Variants in RELB observed in about 807,000 individuals in gnomAD.
The protein encoded by RELB is RELB proto-oncogene, NF-kB subunit, also known as transcription factor RelB.
Under a neutral mutation model 55.4 loss-of-function variants are expected in RELB, and 14 were observed. The ratio of observed to expected loss-of-function variants is 0.25; its 90% confidence interval spans 0.17 to 0.40. The LOEUF is 0.40. Among genes scored for constraint, RELB ranks in the 10% least tolerant of loss-of-function variants. RELB has a pLI of 1.00. For synonymous variants in RELB, 409 were observed against 371.3 expected (o/e 1.10, Z -1.17); for missense variants, 669 against 830.7 (o/e 0.81, Z 2.39).
intron 4 of RELB, among the ~76,000 whole-genome samples, chr19:45,021,408 GC>G (rs1971485840): frequency 7.1e-6 from 1 of 140,518 alleles, no homozygotes; most frequent in Non-Finnish European, 1.5e-5. Flanking sequence ...CGCAGGCAGA[GC>G]TTGCAGTGAG....
chr19:45,003,579 A>C lies in RELB; in HGVS notation c.154+583A>C. ...CACTGTGGCTTAGTAGAAGGTAATC[A>C]CTGCCATCCTGGGCTTTGGAGCTGG... On this transcript the variant is annotated intron_variant, in intron 2 of 11. Transcript: ENST00000221452. 2 of 517,662 alleles carry C rather than the reference A, an allele frequency of 3.9e-6. 1 individual carries two copies. The highest frequency in any genetic ancestry group is 7.7e-6 in the Non-Finnish European group (2 of 259,776). 32.1% of individuals were successfully genotyped at this position (517,662 alleles called of 1,614,324 possible).
Position 45,002,969 on chromosome 19 carries a change from C to A in RELB, c.127C>A (p.Leu43Ile). 2.5e-6 allele frequency: 4 copies of A among 1,613,592 alleles called. No homozygotes were observed. Among genetic ancestry groups the A allele is most frequent in the Non-Finnish European group, 3.4e-6 (4 of 1,179,768 alleles). Residue 43 changes from leucine (L) to isoleucine (I), a missense_variant, in exon 2 of 12, where the codon CTC becomes ATC. Coordinates refer to ENST00000221452, the MANE Select transcript of RELB (RefSeq NM_006509.4). ...GALGSPDLSS[L>I]SLAVSRSTDE... ...TGCAGGGTCCCCCGACCTCTCCTCA[C>A]TCTCGCTCGCCGTTTCCAGGAGCAC...
At chr19:45,011,553 T>A (rs879564801) in intron 3 of RELB, among the ~76,000 whole-genome samples, 20 of 151,798 alleles carry the variant, frequency 1.3e-4, no homozygotes, top group Non-Finnish European at 2.2e-4. Context: ...GCCTCCTGGG[T>A]TCAAGCTGTT....
chr19:45,034,661 T>C (rs1971666791), intron 11 of RELB, 133 bp downstream of exon 11: 2 of 686,666 alleles, frequency 2.9e-6, no homozygotes, highest in East Asian at 5.5e-5. Context: ...GCCAGCAACA[T>C]AGAGTAGAAA....
At position 45,002,937 on chromosome 19, in the gene RELB, CCTT is replaced by C. The variant is rs1386117876; in HGVS notation, c.107-9_107-7del. On this transcript the variant is annotated splice_polypyrimidine_tract_variant and intron_variant, in intron 1 of 11. Transcript: ENST00000221452. ...CCCCATCACCTCCTGAGACGTTTCT[CCTT>C]CTCTGCAGGGTCCCCCGACCTCTCC... The C allele has an allele frequency of 2.6e-5, 42 of 1,613,110 alleles. No individual in the cohort carries two copies. Among genetic ancestry groups the C allele is most frequent in the Admixed American group, 1.0e-4 (6 of 59,928 alleles).
chr19:45,014,803 G>A (rs992901482), intron 4 of RELB, among the ~76,000 whole-genome samples: 5 of 151,864 alleles, frequency 3.3e-5, no homozygotes, highest in African/African-American at 1.2e-4. Context: ...ACAGGTGTGA[G>A]CCACCGTGCT....
chr19:45,009,492 G>T (rs1971323364), intron 2 of RELB, among the ~76,000 whole-genome samples: 1 of 152,154 alleles, frequency 6.6e-6, no homozygotes, highest in Non-Finnish European at 1.5e-5. Flanking sequence ...CTTTTTCCTG[G>T]TGCTAAGACC....
At chr19:45,021,902 A>G (rs1458980727) in intron 4 of RELB, 151 bp from the exon 5 acceptor site, 1 of 758,322 alleles carries the variant, frequency 1.3e-6, no homozygotes, top group South Asian at 2.1e-5. Flanking sequence ...AACACATTCC[A>G]TCATCCTGGT....
At chr19:45,004,892 G>A (rs536881169) in intron 2 of RELB, among the ~76,000 whole-genome samples, 116 of 150,596 alleles carry the variant, frequency 7.7e-4, no homozygotes, top group African/African-American at 2.6e-3. Flanking sequence ...AAAAACAGCC[G>A]GCCGTGGTGG....
intron 8 of RELB, among the ~76,000 whole-genome samples, chr19:45,031,032 G>C (rs192303193): frequency 1.2e-4 from 18 of 152,218 alleles, no homozygotes; most frequent in African/African-American, 4.3e-4. Flanking sequence ...GTGTGACTTA[G>C]AGGCAATCTA....
rs1039495718 is a variant in RELB at position 45,025,675 on chromosome 19, G to A, written c.824G>A (p.Arg275Gln). ...AGGATCTGCTTCCAGGCCTCATATC[G>A]GGACCAGCAGGGACAGATGCGCCGG... ...VVRICFQASY[R>Q]DQQGQMRRMD... Residue 275 changes from arginine (R) to glutamine (Q), a missense_variant, in exon 7 of 12, where the codon CGG (arginine) becomes CAG (glutamine). Physicochemically the swap from Arg to Gln is conservative, Grantham distance 43. Around this residue, in one of 3 missense-constraint regions of RELB, gnomAD observed 341 missense variants for 436.8 expected, o/e 0.78. Transcript: ENST00000221452. The A allele has an allele frequency of 9.9e-6, 16 of 1,613,840 alleles. No homozygotes were observed. The highest frequency in any genetic ancestry group is 3.3e-5 in the Admixed American group (2 of 59,972).
chr19:45,028,965 T>C lies in RELB; in HGVS notation c.964T>C (p.Tyr322His). 1 of 1,592,274 alleles carries C rather than the reference T, an allele frequency of 6.3e-7. No homozygotes were observed. Among genetic ancestry groups the C allele is most frequent in the Non-Finnish European group, 8.5e-7 (1 of 1,170,128 alleles). ...SGPCTGGEEL[Y>H]LLCDKVQKED... ...GCCGTGCACCGGTGGCGAGGAGCTC[T>C]ACTTGCTCTGCGACAAGGTGCAGAA... is the stretch of plus-strand genomic sequence containing the variant. Residue 322 changes from tyrosine to histidine, a missense_variant, in exon 8 of 12, where the codon TAC (tyrosine) becomes CAC (histidine). By Grantham distance (83) the Tyr-to-His change is moderately conservative. Coordinates refer to ENST00000221452, the MANE Select transcript of RELB (RefSeq NM_006509.4).
intron 4 of RELB, among the ~76,000 whole-genome samples, chr19:45,013,772 C>T (rs561229844): frequency 1.4e-4 from 22 of 151,968 alleles, no homozygotes; most frequent in Admixed American, 5.3e-4. Context: ...GCAGAGGCTG[C>T]GGTGAGCCAA....
In RELB at chr19:45,003,002, C is replaced by T. The variant is rs1302066447; in HGVS notation, c.154+6C>T. ...CGCCGTTTCCAGGAGCACAGGTGAG[C>T]AGCCCTCCACAGTTCCTGCCCACTC... On this transcript the variant is annotated splice_donor_region_variant and intron_variant, in intron 2 of 11. Coordinates refer to ENST00000221452, the MANE Select transcript of RELB (RefSeq NM_006509.4). The T allele has an allele frequency of 1.2e-6, 2 of 1,611,880 alleles. No individual in the cohort carries two copies. The highest frequency in any genetic ancestry group is 2.2e-5 in the East Asian group (1 of 44,844).
At chr19:45,026,532 G>T (rs1315660921) in intron 7 of RELB, among the ~76,000 whole-genome samples, 2 of 147,102 alleles carry the variant, frequency 1.4e-5, no homozygotes, top group Non-Finnish European at 3.0e-5. Flanking sequence ...CAATGGAGAG[G>T]GACTCCGTCT....
At chr19:45,021,900 C>A in intron 4 of RELB, 153 bp from the exon 5 acceptor site, 2 of 747,724 alleles carry the variant, frequency 2.7e-6, no homozygotes, top group Non-Finnish European at 4.1e-6. Flanking sequence ...CAAACACATT[C>A]CATCATCCTG....
chr19:45,009,470 T>G (rs2122401972), intron 2 of RELB, among the ~76,000 whole-genome samples: 1 of 152,286 alleles, frequency 6.6e-6, no homozygotes, highest in South Asian at 2.1e-4. Context: ...TGTTTGGAAA[T>G]TTGGGCATCC....
intron 11 of RELB, among the ~76,000 whole-genome samples, chr19:45,035,566 G>T (rs941678038): frequency 6.6e-6 from 1 of 151,410 alleles, no homozygotes; most frequent in Non-Finnish European, 1.5e-5. Context: ...TGTGGCTTAC[G>T]CCTGTAATCC....
intron 1 of RELB, among the ~76,000 whole-genome samples, chr19:45,002,458 TTC>T (rs1254189018): frequency 6.6e-6 from 1 of 152,138 alleles, no homozygotes; most frequent in Non-Finnish European, 1.5e-5. Flanking sequence ...GCTCAAGCAG[TTC>T]TCCTGCCTCA....
Sources: gnomAD v4.1 joint callset for allele counts (sites outside exome capture counted in the v4.1 genomes callset) on GRCh38, gnomAD v4.1.1 for gene constraint, gnomAD v4.1.1 regional missense constraint, MANE v1.5 for transcripts, NCBI Gene and HGNC (gene_info 2026-07-23, HGNC 2026-07-21) for gene names.